Variants in SYT6 observed in about 807,000 individuals in gnomAD.
The protein encoded by SYT6 is synaptotagmin 6.
A neutral mutation model predicts 38.4 loss-of-function variants in SYT6; 24 were observed. That is an observed-to-expected ratio of 0.62 (90% CI 0.45 to 0.88). SYT6 has a LOEUF of 0.88. SYT6 is among the 40% of genes least tolerant of loss of function. The pLI is 0.00. For missense variants in SYT6, 611 were observed against 621.0 expected (o/e 0.98, Z 0.17); for synonymous variants, 265 against 241.9 (o/e 1.10, Z -0.89).
chr1:114,091,784 A>C lies in SYT6; in HGVS notation c.*350T>G. 2.5e-6 allele frequency: 1 copy of C among 399,690 alleles called. No individual in the cohort carries two copies. Among genetic ancestry groups the C allele is most frequent in the East Asian group, 3.7e-5 (1 of 27,052 alleles). The allele number at this position is 399,690 out of a possible 1,614,324, so 24.8% of individuals were successfully genotyped here. On this transcript the variant is annotated 3_prime_UTR_variant, in exon 8 of 8. Coordinates refer to ENST00000610222, the MANE Select transcript of SYT6 (RefSeq NM_001253772.2). Reference sequence around the variant, plus strand: ...CTTTTCTTACCAGCAGACCCATAAAAAGTGAAAAACCACAAAAACATCACC... The same window carrying C: ...CTTTTCTTACCAGCAGACCCATAAACAGTGAAAAACCACAAAAACATCACC...
rs775873550 is a variant in SYT6 at position 114,093,593 on chromosome 1, C to T, written c.*51+142G>A. ...GCTAGCTAGGGGCAGAGCCAGAACC[C>T]GAAACCAGGTCTCCTAACACCCAAC... On this transcript the variant is annotated intron_variant, in intron 7 of 7. Transcript: ENST00000610222. The T allele has an allele frequency of 1.1e-5, 8 of 695,756 alleles. No individual in the cohort carries two copies. The East Asian group carries it at 1.4e-4, about 12-fold the overall frequency. The allele number at this position is 695,756 out of a possible 1,614,324, so 43.1% of individuals were successfully genotyped here. A position where few individuals can be genotyped will look rare whatever the true frequency, so the allele number is the denominator to read the frequency against.
chr1:114,153,189 G>A (rs1429801392), intron 1 of SYT6, among the ~76,000 whole-genome samples: 1 of 152,226 alleles, frequency 6.6e-6, no homozygotes, highest in East Asian at 1.9e-4. Flanking sequence ...GCACGGACCC[G>A]GGGACCTCGA....
At chr1:114,117,273 G>A (rs1199276612) in intron 3 of SYT6, among the ~76,000 whole-genome samples, 11 of 152,244 alleles carry the variant, frequency 7.2e-5, no homozygotes, top group Admixed American at 1.3e-4. Flanking sequence ...AGGAAACCAC[G>A]GGGAGAGCAC....
Position 114,091,189 on chromosome 1 carries a change from T to C in SYT6, c.*945A>G, listed in dbSNP as rs1675283202. ...AAAGCTATGTATAATGCAGAAATCA[T>C]TCCAGAACATATGTTTCTCTCTTAC... On this transcript the variant is annotated 3_prime_UTR_variant, in exon 8 of 8. Coordinates refer to ENST00000610222, the MANE Select transcript of SYT6 (RefSeq NM_001253772.2). 1 of 152,816 alleles carries C rather than the reference T, an allele frequency of 6.5e-6. No homozygotes were observed. The highest frequency in any genetic ancestry group is 1.5e-5 in the Non-Finnish European group (1 of 68,034). The allele number at this position is 152,816 out of a possible 1,614,324, so 9.5% of individuals were successfully genotyped here. A position where few individuals can be genotyped will look rare whatever the true frequency, so the allele number is the denominator to read the frequency against.
chr1:114,148,010 C>T (rs114503450), intron 1 of SYT6, among the ~76,000 whole-genome samples: 2,051 of 152,306 alleles, frequency 0.013, 17 homozygotes, highest in Non-Finnish European at 0.022. Context: ...CGTCAGGCCC[C>T]TCTTCTCTCC....
chr1:114,153,845 G>A lies in SYT6; in HGVS notation c.-73C>T, dbSNP rs1455774790. The A allele has an allele frequency of 5.3e-6, 3 of 569,462 alleles. No homozygotes were observed. Among genetic ancestry groups the A allele is most frequent in the Non-Finnish European group, 9.1e-6 (3 of 328,812 alleles). The allele number at this position is 569,462 out of a possible 1,614,324, so 35.3% of individuals were successfully genotyped here. On this transcript the variant is annotated 5_prime_UTR_variant, in exon 1 of 8. Coordinates refer to ENST00000610222, the MANE Select transcript of SYT6 (RefSeq NM_001253772.2). Reference sequence around the variant, plus strand: ...GGCCGCACTGGGGCGGGGCACGACGGCCCCAAGAAGACCCTCCCTGCAGCG... The same window carrying A: ...GGCCGCACTGGGGCGGGGCACGACGACCCCAAGAAGACCCTCCCTGCAGCG...
chr1:114,127,815 C>T (rs1410867524), intron 3 of SYT6, among the ~76,000 whole-genome samples: 2 of 152,210 alleles, frequency 1.3e-5, no homozygotes, highest in Non-Finnish European at 2.9e-5. Context: ...CAGCGATTGG[C>T]CCAAGGGAGG....
At chr1:114,115,488 C>T (rs1676940205) in intron 3 of SYT6, among the ~76,000 whole-genome samples, 1 of 151,198 alleles carries the variant, frequency 6.6e-6, no homozygotes, top group African/African-American at 2.4e-5. Flanking sequence ...GCGATCTCGG[C>T]TCACTGCAAC....
chr1:114,099,274 A>G lies in SYT6; in HGVS notation c.1193-9T>C, dbSNP rs779581001. 5 of 1,607,926 alleles carry G rather than the reference A, an allele frequency of 3.1e-6. No individual in the cohort carries two copies. In the Admixed American group the frequency reaches 8.4e-5, roughly 27 times the overall value. On this transcript the variant is annotated splice_polypyrimidine_tract_variant and intron_variant, in intron 4 of 7. Transcript: ENST00000610222. ...CACTTTCACATAGGGATCTGTGCCA[A>G]TGGGGACAGAGAAAAGGGAATGGAG...
At position 114,137,735 on chromosome 1, in the gene SYT6, G is replaced by A; in HGVS notation, c.831C>T (p.Arg277=). ...PYVKIYLLPD[R]KCKLQTRVHR... ...GCACCCGGGTCTGCAGCTTGCATTT[G>A]CGGTCAGGCAGGAGGTAGATCTTGA... Residue 277 remains arginine, a synonymous_variant, in exon 3 of 8, where the codon CGC becomes CGT. Coordinates refer to ENST00000610222, the MANE Select transcript of SYT6 (RefSeq NM_001253772.2). 1 of 1,614,170 alleles carries A rather than the reference G, an allele frequency of 6.2e-7. No individual in the cohort carries two copies. Among genetic ancestry groups the A allele is most frequent in the Non-Finnish European group, 8.5e-7 (1 of 1,180,048 alleles).
intron 3 of SYT6, among the ~76,000 whole-genome samples, chr1:114,112,104 C>A (rs1571844312): frequency 6.6e-6 from 1 of 152,176 alleles, no homozygotes; most frequent in African/African-American, 2.4e-5. Context: ...TGCTTCTCTG[C>A]CCCAAGGGCC....
Position 114,103,200 on chromosome 1 carries a change from C to A in SYT6, c.1192+401G>T, listed in dbSNP as rs1015631591. On this transcript the variant is annotated intron_variant, in intron 4 of 7. Transcript: ENST00000610222. Reference sequence around the variant, plus strand: ...ATTTACACACTCAAACGACATAACCCTGGGGCCTCACATAAATAAGAAAAC... The same window carrying A: ...ATTTACACACTCAAACGACATAACCATGGGGCCTCACATAAATAAGAAAAC... Among the ~76,000 whole-genome samples the A allele has an allele frequency of 1.5e-4, 23 of 152,192 alleles. 1 individual carries two copies. Among genetic ancestry groups the A allele is most frequent in the Non-Finnish European group, 1.2e-4 (8 of 68,032 alleles).
chr1:114,126,106 G>T (rs1177436293), intron 3 of SYT6, among the ~76,000 whole-genome samples: 4 of 152,124 alleles, frequency 2.6e-5, no homozygotes, highest in African/African-American at 9.7e-5. Context: ...GACTAGGAAG[G>T]GCATGGGCTG....
At chr1:114,116,750 AT>A in intron 3 of SYT6, among the ~76,000 whole-genome samples, 1 of 152,298 alleles carries the variant, frequency 6.6e-6, no homozygotes, top group Non-Finnish European at 1.5e-5. Context: ...TTAACAATCA[AT>A]GCCTCTTTTC....
At chr1:114,103,777 G>A in intron 3 of SYT6, 56 bp from the exon 4 acceptor site, 1 of 1,582,178 alleles carries the variant, frequency 6.3e-7, no homozygotes, top group Non-Finnish European at 8.6e-7. Context: ...TGGGCCTCAT[G>A]TCCAGTGCAG....
At chr1:114,101,589 G>A (rs560181470) in intron 4 of SYT6, among the ~76,000 whole-genome samples, 1 of 152,302 alleles carries the variant, frequency 6.6e-6, no homozygotes, top group South Asian at 2.1e-4. Context: ...TTGAGAATAG[G>A]AAGATCCTGG....
chr1:114,137,824 C>A lies in SYT6; in HGVS notation c.742G>T (p.Val248Leu). 6.2e-7 allele frequency: 1 copy of A among 1,614,042 alleles called. No individual in the cohort carries two copies. The highest frequency in any genetic ancestry group is 8.5e-7 in the Non-Finnish European group (1 of 1,180,022). Residue 248 changes from valine to leucine, a missense_variant, in exon 3 of 8, where the codon GTG becomes TTG. Transcript: ENST00000610222. Reference protein sequence around the residue: ...RYDYETETLIVRILKAFDLPA... With the variant: ...RYDYETETLILRILKAFDLPA... ...AGGTCAAAAGCCTTCAGGATACGCA[C>A]AATCAGGGTCTCGGTCTCGTAATCG... is the stretch of plus-strand genomic sequence containing the variant.
chr1:114,114,175 G>T (rs897579478), intron 3 of SYT6, among the ~76,000 whole-genome samples: 2 of 152,212 alleles, frequency 1.3e-5, no homozygotes, highest in African/African-American at 4.8e-5. Context: ...GGACAAGGGT[G>T]AGGCAAAGCA....
chr1:114,091,745 C>CTTTT lies in SYT6; in HGVS notation c.*385_*388dup, dbSNP rs61312323. On this transcript the variant is annotated 3_prime_UTR_variant, in exon 8 of 8. Transcript: ENST00000610222. The stretch of plus-strand genomic sequence containing the variant: ...TTTCCACCCTTTGTCTTTTCCTACT[C>CTTTT]TTTTTTTTTTTCCCTTTTCTTACCA... The CTTTT allele has an allele frequency of 7.7e-6, 2 of 258,694 alleles. No individual in the cohort carries two copies. The highest frequency in any genetic ancestry group is 1.6e-4 in the South Asian group (1 of 6,352). 16.0% of individuals were successfully genotyped at this position (258,694 alleles called of 1,614,324 possible).
Sources: allele counts gnomAD v4.1 joint callset (sites outside exome capture counted in the v4.1 genomes callset), GRCh38; gene constraint gnomAD v4.1.1; transcripts MANE v1.5; gene names NCBI Gene and HGNC (gene_info 2026-07-23, HGNC 2026-07-21).